RIPOR3: variants seen among roughly 807,000 people sequenced by gnomAD.
RIPOR3 encodes family with sequence similarity 65 member C.
Under a neutral mutation model 114.3 loss-of-function variants are expected in RIPOR3, and 95 were observed. That is an observed-to-expected ratio of 0.83 (90% CI 0.70 to 0.99). RIPOR3 has a LOEUF of 0.99. Ranked by LOEUF, RIPOR3 falls within the 50% of genes least tolerant of loss-of-function variation. RIPOR3 has a pLI of 0.00. For missense variants in RIPOR3, 1,252 were observed against 1,266.9 expected, an observed-to-expected ratio of 0.99 and a Z score of 0.18; for synonymous variants, 575 against 543.8, an observed-to-expected ratio of 1.06 and a Z score of -0.80.
rs1045379986 is a variant in RIPOR3 at position 50,602,808 on chromosome 20, G to C, written c.1087-164C>G. 1.3e-5 allele frequency among the ~76,000 whole-genome samples: 2 copies of C among 152,172 alleles called. No homozygotes were observed. Among genetic ancestry groups the C allele is most frequent in the African/African-American group, 4.8e-5 (2 of 41,426 alleles). ...ATCCCAGAGGTGCAGAAAAAACCCTGTCCCCTCTCTGCACTTATCCCCCAT... is the reference window on the plus strand; with the variant it reads ...ATCCCAGAGGTGCAGAAAAAACCCTCTCCCCTCTCTGCACTTATCCCCCAT... On this transcript the variant is annotated intron_variant, in intron 12 of 21. Transcript: ENST00000327979. The surrounding 1 kb of genome is among the most constrained non-coding windows in gnomAD (Gnocchi z 4.3).
chr20:50,646,039 AG>A (rs1358602930), intron 1 of RIPOR3, among the ~76,000 whole-genome samples: 8 of 152,218 alleles, frequency 5.3e-5, no homozygotes, highest in African/African-American at 1.4e-4. Flanking sequence ...TCCCTGGGGC[AG>A]GATCTATGCA....
chr20:50,590,517 A>G (rs924268474), intron 19 of RIPOR3, among the ~76,000 whole-genome samples: 5 of 152,200 alleles, frequency 3.3e-5, no homozygotes, highest in Non-Finnish European at 7.3e-5. Flanking sequence ...GAGCCAAAAG[A>G]GAATGGCCGC....
At chr20:50,628,508 C>G (rs2084704502) in intron 2 of RIPOR3, among the ~76,000 whole-genome samples, 1 of 152,176 alleles carries the variant, frequency 6.6e-6, no homozygotes, top group Non-Finnish European at 1.5e-5. Context: ...GGCCCACCCC[C>G]ATCTGCACAC....
At chr20:50,634,184 G>T (rs2084911778) in intron 1 of RIPOR3, among the ~76,000 whole-genome samples, 1 of 151,962 alleles carries the variant, frequency 6.6e-6, no homozygotes, top group South Asian at 2.1e-4. Context: ...GTTTCGCCAT[G>T]TTGTCCAGGC....
intron 19 of RIPOR3, among the ~76,000 whole-genome samples, chr20:50,590,640 G>A (rs548709436): frequency 2.2e-4 from 33 of 152,276 alleles, no homozygotes; most frequent in African/African-American, 7.0e-4. Context: ...AGGCTGTGAG[G>A]CCACATCGGT....
chr20:50,667,214 C>T (rs145739101), intron 1 of RIPOR3, among the ~76,000 whole-genome samples: 68 of 152,174 alleles, frequency 4.5e-4, no homozygotes, highest in African/African-American at 1.6e-3. Flanking sequence ...CCACCCCATC[C>T]CCAAACGAGC....
intron 13 of RIPOR3, among the ~76,000 whole-genome samples, chr20:50,599,692 G>A (rs1023280410): frequency 2.6e-5 from 4 of 152,100 alleles, no homozygotes; most frequent in African/African-American, 9.7e-5. Flanking sequence ...GCATTGCCTC[G>A]CTTGACCTCA....
intron 21 of RIPOR3, 70 bp from the exon 22 acceptor site, chr20:50,587,402 G>T: frequency 7.6e-7 from 1 of 1,312,494 alleles, no homozygotes; most frequent in Non-Finnish European, 1.1e-6. Context: ...CTGGGCCAGG[G>T]TGGCCCTAGT....
intron 1 of RIPOR3, among the ~76,000 whole-genome samples, chr20:50,667,956 T>C (rs182770229): frequency 6.6e-6 from 1 of 152,312 alleles, no homozygotes; most frequent in Non-Finnish European, 1.5e-5. Flanking sequence ...CATGCTGCTG[T>C]GACTAGCATC....
chr20:50,682,947 G>C (rs1395360896), intron 1 of RIPOR3, among the ~76,000 whole-genome samples: 1 of 152,006 alleles, frequency 6.6e-6, no homozygotes, highest in Non-Finnish European at 1.5e-5. Flanking sequence ...GGCTGGTCTC[G>C]AACTCCTGAC....
Position 50,602,548 on chromosome 20 carries a change from G to C in RIPOR3, c.1183C>G (p.Pro395Ala). The C allele has an allele frequency of 6.4e-7, 1 of 1,552,560 alleles. No individual in the cohort carries two copies. The highest frequency in any genetic ancestry group is 8.7e-7 in the Non-Finnish European group (1 of 1,150,230). The part of the protein sequence containing the change: ...SYLSDSDLRG[P>A]SLRSQSQELP... ...TCCTGACTCTGGCTTCTTAGGCTGG[G>C]ACCCCGGAGGTCGCTGTCAGACAGG... The change falls in exon 13 of 22, where the codon CCC becomes GCC. Residue 395 changes from proline (P) to alanine (A), a missense_variant. Transcript: ENST00000327979. The surrounding 1 kb of genome is among the most constrained non-coding windows in gnomAD (Gnocchi z 4.3).
At chr20:50,654,439 T>TG (rs1568929983) in intron 1 of RIPOR3, among the ~76,000 whole-genome samples, 2 of 138,506 alleles carry the variant, frequency 1.4e-5, no homozygotes, top group African/African-American at 5.3e-5. Flanking sequence ...TTTTTTTTTT[T>TG]TTTTTTTTTG....
rs118016199 is a variant in RIPOR3, at chr20:50,623,329, C to T, written c.123-3197G>A. Reference sequence around the variant, plus strand: ...TTGGTAAATATTAAGCTCAGCTGAACGGGGGAAAATACAGTATCCCAAGGG... The same window carrying T: ...TTGGTAAATATTAAGCTCAGCTGAATGGGGGAAAATACAGTATCCCAAGGG... On this transcript the variant is annotated intron_variant, in intron 2 of 21. Coordinates refer to ENST00000327979, the MANE Select transcript of RIPOR3 (RefSeq NM_001290268.2). Among the ~76,000 whole-genome samples, 675 of 149,222 alleles carry T rather than the reference C, an allele frequency of 4.5e-3. 1 individual carries two copies. The highest frequency in any genetic ancestry group is 5.9e-3 in the Non-Finnish European group (394 of 66,872).
chr20:50,676,798 G>A (rs1488829933), intron 1 of RIPOR3, among the ~76,000 whole-genome samples: 1 of 143,120 alleles, frequency 7.0e-6, no homozygotes. Context: ...TTTAGTAGAG[G>A]TCTTGCTTAT....
rs78631786 is a variant in RIPOR3, at chr20:50,635,570, T to C, written c.4-4714A>G. ...GCGGCAGGCTGAGGTGGGAGGATCA[T>C]TAGAGACCTCCCAGCAAGTCGAGGC... is the stretch of plus-strand genomic sequence containing the variant. On this transcript the variant is annotated intron_variant, in intron 1 of 21. Transcript: ENST00000327979. Among the ~76,000 whole-genome samples, 54 of 151,940 alleles carry C rather than the reference T, an allele frequency of 3.6e-4. 1 individual carries two copies. The East Asian group carries it at 9.7e-3, about 27-fold the overall frequency.
rs2084346803 is a variant in RIPOR3 at position 50,620,196 on chromosome 20, G to A, written c.123-64C>T. ...GGCCCTGACAAAGCCCTCCCCAGGG[G>A]CAGGCACTTTGGAAATAGTGACCAG... On this transcript the variant is annotated intron_variant, in intron 2 of 21. Coordinates refer to ENST00000327979, the MANE Select transcript of RIPOR3 (RefSeq NM_001290268.2). 3.8e-6 allele frequency: 6 copies of A among 1,579,796 alleles called. No homozygotes were observed. In the Admixed American group the frequency reaches 8.5e-5, roughly 22 times the overall value.
intron 2 of RIPOR3, among the ~76,000 whole-genome samples, chr20:50,627,932 C>T (rs564300766): frequency 8.5e-5 from 13 of 152,338 alleles, no homozygotes; most frequent in African/African-American, 3.1e-4. Flanking sequence ...AGGGTCCCTA[C>T]AGTGCTTCAG....
chr20:50,632,825 G>A (rs912751359), intron 1 of RIPOR3, among the ~76,000 whole-genome samples: 8 of 152,242 alleles, frequency 5.3e-5, no homozygotes, highest in African/African-American at 1.9e-4. Flanking sequence ...TGAGCACTGG[G>A]TTTAGAACCC....
intron 1 of RIPOR3, among the ~76,000 whole-genome samples, chr20:50,654,558 C>T (rs2085741780): frequency 6.6e-6 from 1 of 150,970 alleles, no homozygotes; most frequent in Admixed American, 6.7e-5. Context: ...CTGCTAAGTC[C>T]CCAGCACTAA....
Sources: allele counts gnomAD v4.1 joint callset (sites outside exome capture counted in the v4.1 genomes callset), GRCh38; gene constraint gnomAD v4.1.1; non-coding constraint Gnocchi (gnomAD v3.1); transcripts MANE v1.5; gene names NCBI Gene and HGNC (gene_info 2026-07-23, HGNC 2026-07-21).